Variants in PPP1R1C observed in about 807,000 individuals in gnomAD.
PPP1R1C encodes protein phosphatase 1 regulatory inhibitor subunit 1C.
Under a neutral mutation model 17.4 loss-of-function variants are expected in PPP1R1C, and 15 were observed. The ratio of observed to expected loss-of-function variants is 0.86; its 90% confidence interval spans 0.58 to 1.33. The LOEUF (loss-of-function observed/expected upper bound fraction) is 1.33, where lower values mean the gene tolerates loss of function less well. PPP1R1C is among the 40% of genes most tolerant of loss of function. The pLI is 0.00. For synonymous variants in PPP1R1C, 35 were observed against 43.1 expected (o/e 0.81, Z 0.73); for missense variants, 143 against 130.0 (o/e 1.10, Z -0.48).
chr2:182,054,588 A>G (rs1022523842), intron 2 of PPP1R1C, among the ~76,000 whole-genome samples: 2 of 151,974 alleles, frequency 1.3e-5, no homozygotes, highest in Non-Finnish European at 2.9e-5. Flanking sequence ...TTCACTCAAC[A>G]TAATGCCCTT....
chr2:182,085,222 T>C (rs1268810622), intron 4 of PPP1R1C, among the ~76,000 whole-genome samples: 10 of 152,106 alleles, frequency 6.6e-5, no homozygotes. Context: ...TTGTTTGACT[T>C]CCTGTTTTCC....
At chr2:182,122,955 A>G (rs1364855795) in intron 5 of PPP1R1C, among the ~76,000 whole-genome samples, 1 of 152,150 alleles carries the variant, frequency 6.6e-6, no homozygotes. Flanking sequence ...TGCTGCACCC[A>G]TCAACCTGTC....
intron 1 of PPP1R1C, among the ~76,000 whole-genome samples, chr2:181,965,280 A>G (rs1277437428): frequency 6.6e-6 from 1 of 152,128 alleles, no homozygotes; most frequent in Non-Finnish European, 1.5e-5. Context: ...TTCCTCTGCT[A>G]TGCAGAATCT....
chr2:182,064,778 GA>G (rs36039575), intron 4 of PPP1R1C, among the ~76,000 whole-genome samples: 5,699 of 152,012 alleles, frequency 0.037, 380 homozygotes, highest in Admixed American at 0.18. Flanking sequence ...GGTAATTATT[GA>G]GACTACTAGG....
At chr2:182,112,951 C>G (rs773600702) in intron 4 of PPP1R1C, among the ~76,000 whole-genome samples, 1 of 152,168 alleles carries the variant, frequency 6.6e-6, no homozygotes, top group Non-Finnish European at 1.5e-5. Context: ...GCCATTATAT[C>G]ATTTGACATT....
intron 4 of PPP1R1C, among the ~76,000 whole-genome samples, chr2:182,093,046 G>A (rs553308793): frequency 2.0e-4 from 31 of 152,280 alleles, no homozygotes; most frequent in Middle Eastern, 3.4e-3. Flanking sequence ...CTGCACTGCC[G>A]CAGCAGAAAT....
rs1047028013 is a variant in PPP1R1C, at chr2:181,986,048, G to A, written c.-63G>A. The A allele has an allele frequency of 2.3e-5, 29 of 1,283,490 alleles. No homozygotes were observed. The highest frequency in any genetic ancestry group is 1.8e-4 in the Middle Eastern group (1 of 5,444). The allele number at this position is 1,283,490 out of a possible 1,614,324, so 79.5% of individuals were successfully genotyped here. A position where few individuals can be genotyped will look rare whatever the true frequency, so the allele number is the denominator to read the frequency against. ...GAGTGTGTCTGAGGAAACACATCCC[G>A]GACACCACTTAGGGTTAGTCTTTCT... On this transcript the variant is annotated 5_prime_UTR_variant, in exon 1 of 5. Coordinates refer to ENST00000682840, the MANE Select transcript of PPP1R1C (RefSeq NM_001080545.3).
At chr2:182,098,198 T>G (rs1416146980) in intron 4 of PPP1R1C, among the ~76,000 whole-genome samples, 1 of 152,178 alleles carries the variant, frequency 6.6e-6, no homozygotes, top group Admixed American at 6.5e-5. Flanking sequence ...CTAGAAGATT[T>G]GTATACCAGC....
intron 2 of PPP1R1C, among the ~76,000 whole-genome samples, chr2:182,021,471 G>T (rs1165090653): frequency 6.6e-6 from 1 of 151,904 alleles, no homozygotes; most frequent in Non-Finnish European, 1.5e-5. Context: ...GGGACTACAG[G>T]TGCGAGACAC....
chr2:181,977,132 TAAAAAAAAAAAAAAAAAAAAAAAAAA>T (rs67129466), intron 2 of PPP1R1C, among the ~76,000 whole-genome samples: 3 of 19,850 alleles, frequency 1.5e-4, no homozygotes, highest in Admixed American at 1.8e-3. Context: ...AGAATCTATC[TAAAAAAAAAAAAAAAAAAAAAAAAAA>T]AAAAAAAAAA....
intron 2 of PPP1R1C, among the ~76,000 whole-genome samples, chr2:182,052,248 G>T (rs1687543958): frequency 6.6e-6 from 1 of 152,086 alleles, no homozygotes; most frequent in Admixed American, 6.6e-5. Flanking sequence ...AGTTTTAAGG[G>T]ATGGGATAAA....
intron 4 of PPP1R1C, among the ~76,000 whole-genome samples, chr2:182,067,143 A>G (rs1270555606): frequency 4.6e-5 from 7 of 152,136 alleles, no homozygotes; most frequent in African/African-American, 1.2e-4. Context: ...TTCTTAATGC[A>G]TAGCCAGTCA....
At position 181,961,218 on chromosome 2, in the gene PPP1R1C, C is replaced by A; in HGVS notation, n.111+6584C>A. On this transcript the variant is annotated intron_variant and non_coding_transcript_variant, in intron 1 of 5. Coordinates refer to the PPP1R1C transcript ENST00000464264. This position sits in a 1 kb window ranked among gnomAD's most constrained non-coding sequence, Gnocchi z 5.8. ...CTTCTGCTGGCTTGATGTCTTAGAA[C>A]TTTGGTGTCATTGGTCTCAGACACC... is the stretch of plus-strand genomic sequence containing the variant. 1.1e-6 allele frequency: 1 copy of A among 896,814 alleles called. No homozygotes were observed. The highest frequency in any genetic ancestry group is 1.8e-6 in the Non-Finnish European group (1 of 546,596). 55.6% of individuals were successfully genotyped at this position (896,814 alleles called of 1,614,324 possible). A position where few individuals can be genotyped will look rare whatever the true frequency, so the allele number is the denominator to read the frequency against.
chr2:182,061,467 C>T lies in PPP1R1C; in HGVS notation c.168C>T (p.Asn56=). 6.8e-7 allele frequency: 1 copy of T among 1,470,486 alleles called. No individual in the cohort carries two copies. The highest frequency in any genetic ancestry group is 9.0e-7 in the Non-Finnish European group (1 of 1,112,936). The allele number at this position is 1,470,486 out of a possible 1,614,324, so 91.1% of individuals were successfully genotyped here. A position where few individuals can be genotyped will look rare whatever the true frequency, so the allele number is the denominator to read the frequency against. ...AAATAGATGACAAGAGGGGGCCCAA[C>T]ACACAAGGGGAAGTAAGTTTTTAAA... ...PPEIDDKRGP[N]TQGELQNASP... The change falls in exon 3 of 5, where the codon AAC becomes AAT. Residue 56 remains asparagine, a synonymous_variant. Transcript: ENST00000682840.
intron 2 of PPP1R1C, among the ~76,000 whole-genome samples, chr2:182,053,962 C>G (rs1312835298): frequency 6.6e-6 from 1 of 151,936 alleles, no homozygotes; most frequent in East Asian, 1.9e-4. Context: ...ATATTTTCCT[C>G]TGGGATTAGT....
upstream of PPP1R1C, among the ~76,000 whole-genome samples, chr2:181,983,058 C>T (rs561147419): frequency 5.3e-5 from 8 of 152,050 alleles, no homozygotes; most frequent in Non-Finnish European, 1.2e-4. Flanking sequence ...TAATAGTATC[C>T]TAGTCATGCT....
intron 4 of PPP1R1C, among the ~76,000 whole-genome samples, chr2:182,068,561 C>T (rs1329629788): frequency 6.6e-6 from 1 of 152,146 alleles, no homozygotes; most frequent in Non-Finnish European, 1.5e-5. Context: ...CTCAGGTCGG[C>T]GTGTGAAGTT....
chr2:182,061,806 G>A (rs1687858466), intron 3 of PPP1R1C, among the ~76,000 whole-genome samples: 2 of 152,084 alleles, frequency 1.3e-5, no homozygotes, highest in African/African-American at 2.4e-5. Context: ...GAACCCCAGA[G>A]CAAGGAGATG....
intron 2 of PPP1R1C, among the ~76,000 whole-genome samples, chr2:182,037,869 C>T (rs1200434893): frequency 6.6e-6 from 1 of 152,086 alleles, no homozygotes; most frequent in Non-Finnish European, 1.5e-5. Flanking sequence ...TTTATTTCTA[C>T]ACTTTTATTA....
Sources: gnomAD v4.1 joint callset for allele counts (sites outside exome capture counted in the v4.1 genomes callset) on GRCh38, gnomAD v4.1.1 for gene constraint, Gnocchi (gnomAD v3.1) non-coding constraint, MANE v1.5 for transcripts, NCBI Gene and HGNC (gene_info 2026-07-23, HGNC 2026-07-21) for gene names.